The following GLI3 variants were observed in gnomAD, a reference collection of about 807,000 sequenced individuals.
GLI3 encodes GLI family zinc finger 3.
A neutral mutation model predicts 100.8 loss-of-function variants in GLI3; 20 were observed. That is an observed-to-expected ratio of 0.20 (90% CI 0.14 to 0.29). The LOEUF (loss-of-function observed/expected upper bound fraction) is 0.29, where lower values mean the gene tolerates loss of function less well. GLI3 is among the 10% of genes least tolerant of loss of function. The pLI, the probability that GLI3 is intolerant of heterozygous loss-of-function variation, is 1.00. For synonymous variants in GLI3, 938 were observed against 860.5 expected, an observed-to-expected ratio of 1.09 and a Z score of -1.58; for missense variants, 2,040 against 2,128.5, an observed-to-expected ratio of 0.96 and a Z score of 0.82.
intron 12 of GLI3, among the ~76,000 whole-genome samples, chr7:41,974,015 C>T (rs1249499000): frequency 6.6e-6 from 1 of 152,198 alleles, no homozygotes; most frequent in Admixed American, 6.5e-5. Flanking sequence ...TGTTCTGACA[C>T]AGGCCCTATG....
chr7:42,152,045 T>C (rs981469716), intron 2 of GLI3: 5 of 152,288 alleles, frequency 3.3e-5, no homozygotes, highest in Non-Finnish European at 7.3e-5. Flanking sequence ...CGATTTCTCA[T>C]GGTAACCGAG....
At chr7:42,034,569 T>G (rs748138894) in intron 7 of GLI3, among the ~76,000 whole-genome samples, 3 of 152,152 alleles carry the variant, frequency 2.0e-5, no homozygotes, top group African/African-American at 7.2e-5. Flanking sequence ...TGCCCCGTGT[T>G]TAACTGTCAT....
intron 10 of GLI3, among the ~76,000 whole-genome samples, chr7:42,007,449 A>G (rs537387708): frequency 2.0e-5 from 3 of 152,284 alleles, no homozygotes; most frequent in Admixed American, 2.0e-4. Flanking sequence ...CCTTCAGGTT[A>G]AGAGTTAGGG....
intron 3 of GLI3, among the ~76,000 whole-genome samples, chr7:42,091,906 C>T (rs1403078429): frequency 6.6e-6 from 1 of 152,220 alleles, no homozygotes; most frequent in Non-Finnish European, 1.5e-5. Context: ...ATACCTTCTA[C>T]CGCAGAGTCA....
Position 42,148,340 on chromosome 7 carries a change from A to G in GLI3, c.253T>C (p.Leu85=). The G allele has an allele frequency of 6.2e-7, 1 of 1,613,958 alleles. No individual in the cohort carries two copies. The highest frequency in any genetic ancestry group is 1.1e-5 in the South Asian group (1 of 91,038). Residue 85 remains leucine (L), a synonymous_variant, in exon 3 of 15, where the codon TTG becomes CTG. Coordinates refer to ENST00000395925, the MANE Select transcript of GLI3 (RefSeq NM_000168.6). ...PSTSSDERAS[L]IKKEIHGSLP... is the part of the protein sequence containing the mutation. ...GACCCATGGATCTCTTTCTTGATCA[A>G]TGAGGCCCTCTCGTCACTCGATGTT...
intron 10 of GLI3, among the ~76,000 whole-genome samples, chr7:42,001,991 C>T (rs1238465664): frequency 6.6e-6 from 1 of 151,976 alleles, no homozygotes; most frequent in Non-Finnish European, 1.5e-5. Flanking sequence ...AGCAAAAACA[C>T]TATTTTTAAA....
chr7:42,043,150 C>A (rs1479979390), intron 6 of GLI3, among the ~76,000 whole-genome samples: 1 of 152,104 alleles, frequency 6.6e-6, no homozygotes, highest in African/African-American at 2.4e-5. Flanking sequence ...AGATGGACAA[C>A]CACTATAAAA....
chr7:42,055,056 C>T (rs62442159), intron 4 of GLI3, among the ~76,000 whole-genome samples: 33,625 of 134,592 alleles, frequency 0.25, 4,256 homozygotes, highest in African/African-American at 0.33. Context: ...TATATACACA[C>T]ACATATATGT....
At chr7:42,210,371 C>T (rs1467401548) in intron 2 of GLI3, among the ~76,000 whole-genome samples, 1 of 98,210 alleles carries the variant, frequency 1.0e-5, no homozygotes, top group Non-Finnish European at 1.8e-5. Context: ...AAATAAGGTA[C>T]AAAGTTATGC....
intron 10 of GLI3, among the ~76,000 whole-genome samples, chr7:42,011,377 G>GA (rs1199480006): frequency 6.6e-6 from 1 of 152,316 alleles, no homozygotes. Context: ...AAAGCAAAGA[G>GA]AATCACCATA....
At chr7:42,061,144 G>A (rs1438975391) in intron 4 of GLI3, among the ~76,000 whole-genome samples, 1 of 152,186 alleles carries the variant, frequency 6.6e-6, no homozygotes, top group Admixed American at 6.5e-5. Flanking sequence ...AAAACAGGAA[G>A]TTGGGTTCCA....
In GLI3 at chr7:42,094,761, G is replaced by A. The variant is rs1036587639; in HGVS notation, c.368-17904C>T. ...AAAAAAAAAATTAATTAAAAAAAAA[G>A]ACAATTCACTCTGCAGATCTAAGCA... On this transcript the variant is annotated intron_variant, in intron 3 of 14. Transcript: ENST00000395925. 9.2e-5 allele frequency among the ~76,000 whole-genome samples: 14 copies of A among 151,702 alleles called. No individual in the cohort carries two copies. In the East Asian group the frequency reaches 9.7e-4, roughly 10 times the overall value.
chr7:42,224,757 G>T (rs147511639), intron 1 of GLI3, among the ~76,000 whole-genome samples: 68 of 152,322 alleles, frequency 4.5e-4, no homozygotes, highest in African/African-American at 1.6e-3. Context: ...GCCACCGTGC[G>T]TGAGTCCCAA....
intron 10 of GLI3, among the ~76,000 whole-genome samples, chr7:42,017,121 C>T (rs370683597): frequency 6.6e-6 from 1 of 152,174 alleles, no homozygotes; most frequent in Non-Finnish European, 1.5e-5. Flanking sequence ...TCCTAATAAA[C>T]AGGAGAATAC....
In GLI3 at chr7:41,965,682, C is replaced by G. The variant is rs1583730261; in HGVS notation, c.3391G>C (p.Ala1131Pro). Reference sequence around the variant, plus strand: ...GCGTGGCTGTCTGGCAGCCCGGGCGCGTCAAAGTCACCGGGCCCGTGGGGC... The same window carrying G: ...GCGTGGCTGTCTGGCAGCCCGGGCGGGTCAAAGTCACCGGGCCCGTGGGGC... ...KVPHGPGDFD[A>P]PGLPDSHAGQ... is the part of the protein sequence containing the mutation. The change falls in exon 15 of 15, where the codon GCG (alanine) becomes CCG (proline). Residue 1131 changes from alanine to proline, a missense_variant. By Grantham distance (27) the Ala-to-Pro change is conservative (BLOSUM62 -1). This residue lies in a region of GLI3 where 1,041 missense variants were observed against 924.0 expected (regional missense o/e 1.13). Transcript: ENST00000395925. 6.2e-7 allele frequency: 1 copy of G among 1,613,196 alleles called. No homozygotes were observed. Among genetic ancestry groups the G allele is most frequent in the Non-Finnish European group, 8.5e-7 (1 of 1,179,620 alleles).
At chr7:42,026,115 C>T (rs1274009344) in intron 8 of GLI3, 84 bp downstream of exon 8, 6 of 829,542 alleles carry the variant, frequency 7.2e-6, no homozygotes, top group Non-Finnish European at 1.0e-5. Context: ...ACAGAGGTGC[C>T]GTGTTGATTA....
intron 2 of GLI3, among the ~76,000 whole-genome samples, chr7:42,167,521 T>C (rs1247146229): frequency 6.6e-6 from 1 of 152,216 alleles, no homozygotes; most frequent in Non-Finnish European, 1.5e-5. Context: ...TGGGAATTAC[T>C]GATAAATTTT....
At chr7:42,139,199 A>C (rs536607313) in intron 3 of GLI3, among the ~76,000 whole-genome samples, 2 of 152,270 alleles carry the variant, frequency 1.3e-5, no homozygotes, top group South Asian at 4.1e-4. Context: ...TGAACACTGT[A>C]AGTGGAAATT....
chr7:42,016,186 C>T (rs887556983), intron 10 of GLI3, among the ~76,000 whole-genome samples: 5 of 151,998 alleles, frequency 3.3e-5, no homozygotes, highest in African/African-American at 4.8e-5. Flanking sequence ...GTGTAACCAC[C>T]GAAGAAAATT....
Sources: gnomAD v4.1 joint callset for allele counts (sites outside exome capture counted in the v4.1 genomes callset) on GRCh38, gnomAD v4.1.1 for gene constraint, gnomAD v4.1.1 regional missense constraint, MANE v1.5 for transcripts, NCBI Gene and HGNC (gene_info 2026-07-23, HGNC 2026-07-21) for gene names.